The following HACL2 variants were observed in gnomAD, a reference collection of about 807,000 sequenced individuals.
HACL2 encodes 2-hydroxyacyl-CoA lyase 2, also known as 2-hydroxyacyl-CoA lyase 1 like.
the HACL2 span, chr19:15,114,993 G>C: frequency 8.7e-6 from 5 of 573,390 alleles, no homozygotes; most frequent in Non-Finnish European, 1.6e-5. Context: ...TGAGTACTTG[G>C]GCCTACATGG....
chr19:15,119,453 C>G, the HACL2 span: 1 of 1,614,162 alleles, frequency 6.2e-7, no homozygotes. Flanking sequence ...TGAGCAGGGC[C>G]TGACTCCCCA....
the HACL2 span, chr19:15,115,159 G>A: frequency 6.9e-7 from 1 of 1,449,344 alleles, no homozygotes; most frequent in African/African-American, 1.4e-5. Flanking sequence ...GGGCCTCATG[G>A]GATAGGCCCA....
At chr19:15,117,835 G>C in the HACL2 span, 2 of 1,608,706 alleles carry the variant, frequency 1.2e-6, no homozygotes, top group Non-Finnish European at 1.7e-6. Flanking sequence ...AGGAGGAGAG[G>C]GACTGGGAGG....
the HACL2 span, chr19:15,123,016 G>A: frequency 2.9e-5 from 46 of 1,604,230 alleles, no homozygotes; most frequent in South Asian, 3.3e-5. This position sits in a 1 kb window ranked among gnomAD's most constrained non-coding sequence, Gnocchi z 5.1. Context: ...CAACAGCCTG[G>A]AGCGCACCCC....
the HACL2 span, chr19:15,115,180 T>A: frequency 4.5e-6 from 7 of 1,572,132 alleles, no homozygotes; most frequent in Non-Finnish European, 6.1e-6. Flanking sequence ...GGGCAAGCAA[T>A]GATGAGACTC....
chr19:15,118,399 A>C, the HACL2 span, among the ~76,000 whole-genome samples: 1 of 152,078 alleles, frequency 6.6e-6, no homozygotes, highest in Non-Finnish European at 1.5e-5. Context: ...TCACTTTTAG[A>C]GGCCTGGGTG....
the HACL2 span, chr19:15,119,843 G>T: frequency 1.6e-6 from 1 of 625,020 alleles, no homozygotes; most frequent in Non-Finnish European, 2.8e-6. Context: ...GAGCCACCGC[G>T]TCCAGCCAAA....
the HACL2 span, chr19:15,125,331 C>T: frequency 2.0e-6 from 1 of 493,124 alleles, no homozygotes; most frequent in South Asian, 2.8e-5. Flanking sequence ...AACTAGCCAC[C>T]ACAAGTCAAG....
chr19:15,123,203 G>A, the HACL2 span: 185 of 1,613,984 alleles, frequency 1.1e-4, no homozygotes, highest in Admixed American at 1.2e-3. The surrounding 1 kb of genome is among the most constrained non-coding windows in gnomAD (Gnocchi z 5.1). Context: ...CCGTGTTGGT[G>A]AGGCCAGGGC....
At chr19:15,116,600 G>A in the HACL2 span, 4 of 1,165,174 alleles carry the variant, frequency 3.4e-6, no homozygotes, top group Non-Finnish European at 5.0e-6. Context: ...CAAAACAGCA[G>A]GAAGCCAGCA....
chr19:15,123,591 A>G, the HACL2 span: 1 of 1,601,994 alleles, frequency 6.2e-7, no homozygotes, highest in Non-Finnish European at 8.5e-7. This position sits in a 1 kb window ranked among gnomAD's most constrained non-coding sequence, Gnocchi z 5.1. Context: ...GCCCAAGGAC[A>G]GGTGGAGCAA....
chr19:15,118,985 C>T, the HACL2 span, among the ~76,000 whole-genome samples: 1 of 152,244 alleles, frequency 6.6e-6, no homozygotes, highest in Admixed American at 6.5e-5. Context: ...ATGGTTGTTA[C>T]AGGGCAGTAG....
the HACL2 span, chr19:15,124,738 C>T: frequency 1.3e-6 from 1 of 781,180 alleles, no homozygotes; most frequent in Non-Finnish European, 2.0e-6. Flanking sequence ...TTACCAGTGG[C>T]AAAGTCCAGG....
At chr19:15,119,175 CAAT>C in the HACL2 span, 1 of 1,569,062 alleles carries the variant, frequency 6.4e-7, no homozygotes, top group Non-Finnish European at 8.6e-7. Flanking sequence ...CCTGCTAGGA[CAAT>C]GACATCCGCC....
At chr19:15,123,098 C>T in the HACL2 span, 7 of 1,612,824 alleles carry the variant, frequency 4.3e-6, no homozygotes, top group South Asian at 6.6e-5. This position sits in a 1 kb window ranked among gnomAD's most constrained non-coding sequence, Gnocchi z 5.1. Context: ...CCCCCACTGG[C>T]CCCCAAGGAC....
At chr19:15,124,752 C>T in the HACL2 span, 1 of 907,214 alleles carries the variant, frequency 1.1e-6, no homozygotes, top group East Asian at 2.9e-5. Context: ...GTCCAGGCCT[C>T]CATACACAGC....
the HACL2 span, chr19:15,119,610 G>T: frequency 9.3e-7 from 1 of 1,078,032 alleles, no homozygotes; most frequent in Non-Finnish European, 1.4e-6. Flanking sequence ...GAGTGTAATG[G>T]CATGATCTCA....
the HACL2 span, chr19:15,125,117 C>G: frequency 6.8e-7 from 1 of 1,462,216 alleles, no homozygotes; most frequent in Non-Finnish European, 9.1e-7. Flanking sequence ...CAGGGAACCT[C>G]TCCGGAAGAA....
chr19:15,123,317 CACAG>C, the HACL2 span: 1 of 1,604,488 alleles, frequency 6.2e-7, no homozygotes, highest in African/African-American at 1.3e-5. This position sits in a 1 kb window ranked among gnomAD's most constrained non-coding sequence, Gnocchi z 5.1. Context: ...CCCCTACCCT[CACAG>C]ACACTCTAGC....
Sources: gnomAD v4.1 joint callset for allele counts (sites outside exome capture counted in the v4.1 genomes callset) on GRCh38, gnomAD v4.1.1 for gene constraint, Gnocchi (gnomAD v3.1) non-coding constraint, MANE v1.5 for transcripts, NCBI Gene and HGNC (gene_info 2026-07-23, HGNC 2026-07-21) for gene names.